The following MAP2 variants were observed in gnomAD, a reference collection of about 807,000 sequenced individuals.
The protein encoded by MAP2 is microtubule-associated protein 2.
MAP2 carries 14 observed loss-of-function variants against 137.6 expected under a neutral mutation model. That is an observed-to-expected ratio of 0.10 (90% confidence interval 0.07 to 0.16). The LOEUF (loss-of-function observed/expected upper bound fraction) is 0.16, where lower values mean the gene tolerates loss of function less well. Ranked by LOEUF, MAP2 falls within the 10% of genes least tolerant of loss-of-function variation. MAP2 has a pLI of 1.00. For synonymous variants in MAP2, 786 were observed against 782.3 expected (o/e 1.00, Z -0.08); for missense variants, 2,088 against 2,191.5 (o/e 0.95, Z 0.94).
chr2:209,465,050 A>G (rs1340225091), intron 1 of MAP2, among the ~76,000 whole-genome samples: 1 of 152,072 alleles, frequency 6.6e-6, no homozygotes, highest in Non-Finnish European at 1.5e-5. Flanking sequence ...GACTATGACC[A>G]TTCCCCCAGT....
chr2:209,517,649 A>G (rs2062701992), intron 2 of MAP2, among the ~76,000 whole-genome samples: 1 of 151,976 alleles, frequency 6.6e-6, no homozygotes, highest in African/African-American at 2.4e-5. Flanking sequence ...ATTTTGACAT[A>G]GCCATAAATG....
chr2:209,639,333 A>G (rs2093823583), intron 4 of MAP2, among the ~76,000 whole-genome samples: 2 of 152,224 alleles, frequency 1.3e-5, no homozygotes, highest in African/African-American at 2.4e-5. Flanking sequence ...ATAGATAAAT[A>G]CTGTAATTCA....
chr2:209,534,089 C>T (rs1443709463), intron 2 of MAP2, among the ~76,000 whole-genome samples: 1 of 152,178 alleles, frequency 6.6e-6, no homozygotes, highest in Non-Finnish European at 1.5e-5. Flanking sequence ...GTGCTCAGAA[C>T]CTCCACCTTC....
chr2:209,481,459 A>G (rs1303738081), intron 1 of MAP2, among the ~76,000 whole-genome samples: 2 of 152,178 alleles, frequency 1.3e-5, no homozygotes, highest in African/African-American at 4.8e-5. Flanking sequence ...TGGGCGGTAC[A>G]CCAAAGTGCC....
At chr2:209,597,957 T>C (rs2081766945) in intron 3 of MAP2, among the ~76,000 whole-genome samples, 1 of 152,130 alleles carries the variant, frequency 6.6e-6, no homozygotes, top group African/African-American at 2.4e-5. Flanking sequence ...ATGCCCATCT[T>C]CCTACAAGAC....
intron 1 of MAP2, among the ~76,000 whole-genome samples, chr2:209,431,753 G>C (rs1025611392): frequency 6.6e-6 from 1 of 152,116 alleles, no homozygotes; most frequent in Non-Finnish European, 1.5e-5. Context: ...TCTGTTCTCT[G>C]AGCTGAGGGT....
intron 7 of MAP2, among the ~76,000 whole-genome samples, chr2:209,683,054 G>A (rs866741390): frequency 6.6e-6 from 1 of 152,144 alleles, no homozygotes; most frequent in Non-Finnish European, 1.5e-5. Flanking sequence ...ATGGGATTTG[G>A]AACAGAAAGG....
chr2:209,511,131 A>G (rs2150254827), intron 2 of MAP2, among the ~76,000 whole-genome samples: 1 of 151,990 alleles, frequency 6.6e-6, no homozygotes, highest in Middle Eastern at 3.4e-3. Context: ...GATATTTTAT[A>G]AATTTCTCTC....
intron 2 of MAP2, among the ~76,000 whole-genome samples, chr2:209,542,722 C>T (rs2067273291): frequency 6.6e-6 from 1 of 152,194 alleles, no homozygotes; most frequent in South Asian, 2.1e-4. Flanking sequence ...ATGAACCAAC[C>T]TCTGCTAGCT....
At chr2:209,578,319 G>A (rs903295603) in intron 2 of MAP2, among the ~76,000 whole-genome samples, 27 of 151,936 alleles carry the variant, frequency 1.8e-4, no homozygotes, top group African/African-American at 6.0e-4. Context: ...AAATTAGCTA[G>A]TGATTAAAAA....
chr2:209,509,956 G>A (rs2061531186), intron 2 of MAP2, among the ~76,000 whole-genome samples: 1 of 150,740 alleles, frequency 6.6e-6, no homozygotes, highest in African/African-American at 2.4e-5. Flanking sequence ...GTAATGAATA[G>A]CATCTTAGAT....
At chr2:209,601,233 TAAAC>T in intron 3 of MAP2, among the ~76,000 whole-genome samples, 1 of 152,334 alleles carries the variant, frequency 6.6e-6, no homozygotes, top group African/African-American at 2.4e-5. Flanking sequence ...TTTAGTAACT[TAAAC>T]ATTATGGTTA....
At chr2:209,528,952 A>T (rs1405979359) in intron 2 of MAP2, among the ~76,000 whole-genome samples, 5 of 151,802 alleles carry the variant, frequency 3.3e-5, no homozygotes, top group African/African-American at 1.2e-4. Flanking sequence ...GTACATATAC[A>T]TATATCCTCA....
At chr2:209,457,658 C>T (rs116661073) in intron 1 of MAP2, among the ~76,000 whole-genome samples, 2,699 of 152,206 alleles carry the variant, frequency 0.018, 68 homozygotes, top group African/African-American at 0.061. Context: ...GGATATCCAC[C>T]ATATGTACTT....
intron 3 of MAP2, among the ~76,000 whole-genome samples, chr2:209,582,465 C>T (rs914090302): frequency 3.9e-5 from 6 of 152,148 alleles, no homozygotes; most frequent in Non-Finnish European, 7.4e-5. Flanking sequence ...TGCTTATGGA[C>T]GCTTCCTAAA....
chr2:209,725,590 G>A (rs1331803591), intron 13 of MAP2, 119 bp from the exon 14 acceptor site: 2 of 491,448 alleles, frequency 4.1e-6, no homozygotes, highest in Non-Finnish European at 7.2e-6. Context: ...CTTCAATTTG[G>A]GTTTCTAGCT....
intron 1 of MAP2, among the ~76,000 whole-genome samples, chr2:209,495,709 G>A (rs978183618): frequency 2.6e-5 from 4 of 152,186 alleles, no homozygotes; most frequent in Admixed American, 1.3e-4. Flanking sequence ...CCTTTGTGAG[G>A]ATTAAATCAA....
chr2:209,484,367 G>A (rs2058100541), intron 1 of MAP2, among the ~76,000 whole-genome samples: 1 of 151,600 alleles, frequency 6.6e-6, no homozygotes, highest in Admixed American at 6.6e-5. Flanking sequence ...AGCACTTTGG[G>A]AGGCCGAGGC....
rs565097051 is a variant in MAP2 at position 209,603,672 on chromosome 2, T to C, written c.-106-21381T>C. On this transcript the variant is annotated intron_variant, in intron 3 of 15. Coordinates refer to ENST00000682079, the MANE Select transcript of MAP2 (RefSeq NM_001375505.1). ...TTTCTCATCTTTTTATACCCGCCTT[T>C]CTTGACCACATAACAGAATAGCCAT... is the stretch of plus-strand genomic sequence containing the variant. Among the ~76,000 whole-genome samples the C allele has an allele frequency of 2.8e-4, 43 of 152,278 alleles. 1 individual carries two copies. The highest frequency in any genetic ancestry group is 1.0e-3 in the African/African-American group (42 of 41,566).
Sources: allele counts gnomAD v4.1 joint callset (sites outside exome capture counted in the v4.1 genomes callset), GRCh38; gene constraint gnomAD v4.1.1; transcripts MANE v1.5; gene names NCBI Gene and HGNC (gene_info 2026-07-23, HGNC 2026-07-21).